The following DIMT1 variants were observed in gnomAD, a reference collection of about 807,000 sequenced individuals.
DIMT1 encodes dimethyladenosine transferase.
A neutral mutation model predicts 43.2 loss-of-function variants in DIMT1; 36 were observed. The observed-to-expected ratio is 0.83, with a 90% CI of 0.64 to 1.10. The LOEUF (loss-of-function observed/expected upper bound fraction) is 1.10. Among genes scored for constraint, DIMT1 ranks in the 50% least tolerant of loss-of-function variants. The pLI, the probability that DIMT1 is intolerant of heterozygous loss-of-function variation, is 0.00. For synonymous variants in DIMT1, 126 were observed against 130.3 expected (o/e 0.97, Z 0.22); for missense variants, 341 against 385.3 (o/e 0.88, Z 0.96).
Position 62,398,690 on chromosome 5 carries a change from C to T in DIMT1, c.352G>A (p.Asp118Asn). ...QVLVGDVLKT[D>N]LPFFDTCVAN... ...ACACAAGTATCAAAGAATGGCAAAT[C>T]TGTTTTCAGCACATCACCCACCAGT... is the stretch of plus-strand genomic sequence containing the variant. The change falls in exon 5 of 12, where the codon GAT becomes AAT. Residue 118 changes from aspartate (D) to asparagine (N), a missense_variant. Asp to Asn is a conservative substitution (Grantham distance 23, BLOSUM62 1). Transcript: ENST00000199320. 6.2e-7 allele frequency: 1 copy of T among 1,614,194 alleles called. No individual in the cohort carries two copies. The highest frequency in any genetic ancestry group is 8.5e-7 in the Non-Finnish European group (1 of 1,180,028).
chr5:62,398,805 A>G lies in DIMT1; in HGVS notation c.302+15T>C, dbSNP rs747133805. ...TGAGATTGAAATGCACTTTAATTCT[A>G]TTATGTATACTCACGTGCCCTGAAC... On this transcript the variant is annotated intron_variant, in intron 4 of 11. Transcript: ENST00000199320. 4 of 1,613,972 alleles carry G rather than the reference A, an allele frequency of 2.5e-6. No homozygotes were observed. The highest frequency in any genetic ancestry group is 1.1e-5 in the South Asian group (1 of 91,070).
In DIMT1 at chr5:62,403,818, A is replaced by G; in HGVS notation, c.-46T>C. 1 of 1,587,194 alleles carries G rather than the reference A, an allele frequency of 6.3e-7. No homozygotes were observed. The highest frequency in any genetic ancestry group is 1.1e-5 in the South Asian group (1 of 89,170). On this transcript the variant is annotated 5_prime_UTR_variant, in exon 1 of 12. Transcript: ENST00000199320. ...CAGGCCCGGGACGTCAAGGAGGACC[A>G]AAGAGGGCTAGCGTGAGAAAGCCAC... is the stretch of plus-strand genomic sequence containing the variant.
chr5:62,402,194 T>C, intron 2 of DIMT1, 72 bp from the exon 3 acceptor site: 1 of 1,448,732 alleles, frequency 6.9e-7, no homozygotes, highest in Non-Finnish European at 9.7e-7. Context: ...CACCTGAACA[T>C]CTTTACTCAT....
chr5:62,403,871 C>A lies in DIMT1; in HGVS notation c.-99G>T. On this transcript the variant is annotated 5_prime_UTR_variant, in exon 1 of 12. Transcript: ENST00000199320. Reference sequence around the variant, plus strand: ...CGTGGGGATCGCCGCCACGCGCCGCCCGCACCACTCTGGCCCAAGCGCCGG... The same window carrying A: ...CGTGGGGATCGCCGCCACGCGCCGCACGCACCACTCTGGCCCAAGCGCCGG... The A allele has an allele frequency of 7.6e-7, 1 of 1,309,172 alleles. No homozygotes were observed. The highest frequency in any genetic ancestry group is 1.1e-6 in the Non-Finnish European group (1 of 946,406). The allele number at this position is 1,309,172 out of a possible 1,614,324, so 81.1% of individuals were successfully genotyped here. A position where few individuals can be genotyped will look rare whatever the true frequency, so the allele number is the denominator to read the frequency against.
intron 7 of DIMT1, 57 bp from the exon 8 acceptor site, chr5:62,394,104 C>A: frequency 6.7e-7 from 1 of 1,485,370 alleles, no homozygotes; most frequent in Admixed American, 1.8e-5. Flanking sequence ...ATTTAGTAAC[C>A]AGATATGCTA....
At position 62,395,380 on chromosome 5, in the gene DIMT1, C is replaced by T. The variant is rs537155083; in HGVS notation, c.447-773G>A. On this transcript the variant is annotated intron_variant, in intron 6 of 11. Coordinates refer to ENST00000199320, the MANE Select transcript of DIMT1 (RefSeq NM_014473.4). The stretch of plus-strand genomic sequence containing the variant: ...ATGGGGAAGACTTTGTAGGGGTTAA[C>T]GAACAGAAGAGTATCTTCAAAGCTA... Among the ~76,000 whole-genome samples, 10 of 152,194 alleles carry T rather than the reference C, an allele frequency of 6.6e-5. No homozygotes were observed. In the South Asian group the frequency reaches 1.2e-3, roughly 19 times the overall value.
rs556600273 is a variant in DIMT1 at position 62,397,803 on chromosome 5, T to C, written c.446+708A>G. Among the ~76,000 whole-genome samples, 277 of 152,228 alleles carry C rather than the reference T, an allele frequency of 1.8e-3. 4 individuals carry two copies. The East Asian group carries it at 0.044, about 24-fold the overall frequency. Reference sequence around the variant, plus strand: ...GGCTGGGACTACAGGCGCCCGCCACTACGCCCGGCTAGTTTTTTGTATTTT... The same window carrying C: ...GGCTGGGACTACAGGCGCCCGCCACCACGCCCGGCTAGTTTTTTGTATTTT... On this transcript the variant is annotated intron_variant, in intron 6 of 11. Transcript: ENST00000199320.
rs1742156804 is a variant in DIMT1 at position 62,388,808 on chromosome 5, C to G, written c.*202G>C. 11 of 594,724 alleles carry G rather than the reference C, an allele frequency of 1.8e-5. No homozygotes were observed. Among genetic ancestry groups the G allele is most frequent in the Non-Finnish European group, 3.3e-5 (11 of 331,530 alleles). 36.8% of individuals were successfully genotyped at this position (594,724 alleles called of 1,614,324 possible). ...GATTATTATGAATAGATTGGACCAG[C>G]ATTATATATTAAAAACTTTGATACT... On this transcript the variant is annotated 3_prime_UTR_variant, in exon 12 of 12. Coordinates refer to ENST00000199320, the MANE Select transcript of DIMT1 (RefSeq NM_014473.4).
At position 62,390,943 on chromosome 5, in the gene DIMT1, G is replaced by A; in HGVS notation, c.832C>T (p.Gln278Ter). 6.2e-7 allele frequency: 1 copy of A among 1,612,782 alleles called. No individual in the cohort carries two copies. Among genetic ancestry groups the A allele is most frequent in the South Asian group, 1.1e-5 (1 of 91,020 alleles). Residue 278 changes from glutamine to a stop codon, truncating the protein, a stop_gained, in exon 11 of 12, where the codon CAA becomes TAA. Transcript: ENST00000199320. LOFTEE classifies it high-confidence loss of function. ...EDFSIADKIQ[Q>*]ILTSTGFSDK... ...CTAAAACCTGTGCTGGTTAGGATTT[G>A]CTGTATTTTATCTGCTATGCTGAAA...
intron 5 of DIMT1, 39 bp from the exon 6 acceptor site, chr5:62,398,599 A>G: frequency 6.2e-7 from 1 of 1,613,282 alleles, no homozygotes; most frequent in Non-Finnish European, 8.5e-7. Context: ...GGAAAGACAC[A>G]TCAGAGGAAC....
rs558794210 is a variant in DIMT1 at position 62,388,030 on chromosome 5, T to G, written c.*980A>C. 3.3e-5 allele frequency: 5 copies of G among 152,212 alleles called. No homozygotes were observed. The highest frequency in any genetic ancestry group is 1.2e-4 in the African/African-American group (5 of 41,560). The allele number at this position is 152,212 out of a possible 1,614,324, so 9.4% of individuals were successfully genotyped here. On this transcript the variant is annotated 3_prime_UTR_variant, in exon 12 of 12. Transcript: ENST00000199320. Reference sequence around the variant, plus strand: ...CTCTATTATAGTATATTAACAGCACTTAGTATTATATTGACTTAAACATAG... The same window carrying G: ...CTCTATTATAGTATATTAACAGCACGTAGTATTATATTGACTTAAACATAG...
chr5:62,392,562 T>G (rs1411055637), intron 9 of DIMT1, among the ~76,000 whole-genome samples: 1 of 152,194 alleles, frequency 6.6e-6, no homozygotes, highest in African/African-American at 2.4e-5. Flanking sequence ...CTTTTACCCT[T>G]GAACCCCAAA....
intron 3 of DIMT1, among the ~76,000 whole-genome samples, chr5:62,401,580 C>CTTTT (rs1156327743): frequency 1.3e-4 from 14 of 104,400 alleles, no homozygotes; most frequent in Non-Finnish European, 1.7e-4. Context: ...TCATATTTTC[C>CTTTT]TTTTTTTTTT....
chr5:62,392,889 T>G, intron 9 of DIMT1, 37 bp downstream of exon 9: 1 of 1,425,534 alleles, frequency 7.0e-7, no homozygotes, highest in Non-Finnish European at 9.9e-7. Context: ...TCTGGAGCAC[T>G]GGCCCTTTAT....
chr5:62,393,290 T>C (rs1383657777), intron 8 of DIMT1, among the ~76,000 whole-genome samples: 1 of 151,976 alleles, frequency 6.6e-6, no homozygotes, highest in Non-Finnish European at 1.5e-5. Flanking sequence ...TGCATGCCTG[T>C]AGTACCAGCT....
intron 2 of DIMT1, among the ~76,000 whole-genome samples, chr5:62,402,404 G>C (rs1742739283): frequency 6.6e-6 from 1 of 152,162 alleles, no homozygotes; most frequent in East Asian, 1.9e-4. Context: ...TTTCTATCTG[G>C]AAATATTCCA....
At position 62,388,948 on chromosome 5, in the gene DIMT1, A is replaced by C; in HGVS notation, c.*62T>G. The C allele has an allele frequency of 3.4e-6, 5 of 1,488,314 alleles. No homozygotes were observed. Among genetic ancestry groups the C allele is most frequent in the Non-Finnish European group, 3.7e-6 (4 of 1,078,318 alleles). The allele number at this position is 1,488,314 out of a possible 1,614,324, so 92.2% of individuals were successfully genotyped here. ...GTAAAGCAAAAGCATTATCTTCTCA[A>C]ATACAAAAAATACAAAATTCATTTC... On this transcript the variant is annotated 3_prime_UTR_variant, in exon 12 of 12. Coordinates refer to ENST00000199320, the MANE Select transcript of DIMT1 (RefSeq NM_014473.4).
At chr5:62,398,271 T>A (rs1742570453) in intron 6 of DIMT1, among the ~76,000 whole-genome samples, 1 of 152,214 alleles carries the variant, frequency 6.6e-6, no homozygotes. Flanking sequence ...TAACCTAGAC[T>A]TAACGGCAGG....
chr5:62,402,551 T>C (rs1380750171), intron 2 of DIMT1, among the ~76,000 whole-genome samples: 1 of 152,222 alleles, frequency 6.6e-6, no homozygotes, highest in African/African-American at 2.4e-5. Context: ...GTACACAAAA[T>C]TGAATGTCTG....
Sources: allele counts gnomAD v4.1 joint callset (sites outside exome capture counted in the v4.1 genomes callset), GRCh38; gene constraint gnomAD v4.1.1; transcripts MANE v1.5; gene names NCBI Gene and HGNC (gene_info 2026-07-23, HGNC 2026-07-21).